Variants in TSC2 observed in about 807,000 individuals in gnomAD.
TSC2 encodes TSC complex subunit 2, also known as tuberin.
A neutral mutation model predicts 202.2 loss-of-function variants in TSC2; 29 were observed. The ratio of observed to expected loss-of-function variants is 0.14; its 90% confidence interval spans 0.11 to 0.20. The LOEUF is 0.20. Ranked by LOEUF, TSC2 falls within the 10% of genes least tolerant of loss-of-function variation. The probability of loss-of-function intolerance (pLI) is 1.00; values close to 1 mark genes in which losing one functional copy is unlikely to be tolerated. For synonymous variants in TSC2, 1,349 were observed against 1,044.0 expected (o/e 1.29, Z -5.63); for missense variants, 2,429 against 2,420.0 (o/e 1.00, Z -0.08).
intron 16 of TSC2, among the ~76,000 whole-genome samples, chr16:2,067,094 T>C (rs1189510368): frequency 6.6e-6 from 1 of 152,212 alleles, no homozygotes; most frequent in Non-Finnish European, 1.5e-5. Flanking sequence ...AACAATTTCC[T>C]GTCATGTTTA....
At chr16:2,055,719 T>C (rs902203609) in intron 6 of TSC2, 200 bp downstream of exon 6, 76 of 551,480 alleles carry the variant, frequency 1.4e-4, no homozygotes, top group African/African-American at 1.3e-3. Context: ...GGTGAAACCC[T>C]GTCTCTACTA....
chr16:2,056,453 A>G (rs562520936), intron 7 of TSC2, among the ~76,000 whole-genome samples, 191 bp from the exon 8 acceptor site: 5 of 152,334 alleles, frequency 3.3e-5, no homozygotes, highest in South Asian at 2.1e-4. Flanking sequence ...GACAGCATCA[A>G]TGACCCACAG....
rs760527750 is a variant in TSC2 at position 2,086,172 on chromosome 16, GCCTCTCC to G, written c.4663-11_4663-5del. The G allele has an allele frequency of 2.4e-5, 39 of 1,612,184 alleles. No homozygotes were observed. The highest frequency in any genetic ancestry group is 1.7e-4 in the Middle Eastern group (1 of 6,034). ...CCCGGCCCGGGAGTGATGCCACCCT[GCCTCTCC>G]CCTCTCCCCACAGAGCAACAGCGAG... On this transcript the variant is annotated splice_polypyrimidine_tract_variant and intron_variant, in intron 36 of 41. Transcript: ENST00000219476.
chr16:2,082,239 A>G (rs746808928), intron 31 of TSC2, 197 bp from the exon 32 acceptor site: 15 of 641,792 alleles, frequency 2.3e-5, no homozygotes, highest in African/African-American at 9.1e-5. Flanking sequence ...TAGGACGTCT[A>G]TTCACGGGAG....
intron 38 of TSC2, 80 bp from the exon 39 acceptor site, chr16:2,087,783 G>GC: frequency 6.6e-7 from 1 of 1,525,834 alleles, no homozygotes; most frequent in South Asian, 1.2e-5. Context: ...CAGGTGTCTA[G>GC]CAGTGCAACC....
intron 14 of TSC2, chr16:2,063,712 T>A: frequency 4.2e-6 from 1 of 235,680 alleles, no homozygotes; most frequent in South Asian, 5.9e-5. Flanking sequence ...CCGCATTCTG[T>A]CTGAGGGAGC....
At position 2,054,454 on chromosome 16, in the gene TSC2, T is replaced by C; in HGVS notation, c.481+14T>C. On this transcript the variant is annotated intron_variant, in intron 5 of 41. Transcript: ENST00000219476. The stretch of plus-strand genomic sequence containing the variant: ...AGGAAGAGCTGGGTGGGTGCCACCT[T>C]GGGTTGGAGGTTTCTCTGGCCTTGA... 6.2e-7 allele frequency: 1 copy of C among 1,613,964 alleles called. No homozygotes were observed. Among genetic ancestry groups the C allele is most frequent in the Non-Finnish European group, 8.5e-7 (1 of 1,179,990 alleles).
intron 24 of TSC2, 133 bp downstream of exon 24, chr16:2,076,303 G>A (rs373131268): frequency 1.0e-5 from 16 of 1,560,694 alleles, no homozygotes; most frequent in South Asian, 6.9e-5. Context: ...TGCCTGTGGC[G>A]CTGGGGGCTC....
rs761324622 is a variant in TSC2, at chr16:2,085,210, C to T, written c.4570-20C>T. 1.9e-5 allele frequency: 31 copies of T among 1,612,468 alleles called. No homozygotes were observed. Among genetic ancestry groups the T allele is most frequent in the South Asian group, 3.3e-5 (3 of 91,094 alleles). ...TGTGGACGGGCGTCTGGGGCTCAGG[C>T]AGGGCTCTGTGTGCCACAGTCACAG... On this transcript the variant is annotated intron_variant, in intron 35 of 41. Transcript: ENST00000219476.
intron 2 of TSC2, among the ~76,000 whole-genome samples, chr16:2,049,044 T>C (rs1031444497): frequency 2.0e-4 from 31 of 152,162 alleles, no homozygotes; most frequent in African/African-American, 7.5e-4. Flanking sequence ...TATGTCCAGG[T>C]GTTACATGAT....
At chr16:2,051,565 G>A (rs2085129520) in intron 3 of TSC2, among the ~76,000 whole-genome samples, 2 of 152,208 alleles carry the variant, frequency 1.3e-5, no homozygotes, top group African/African-American at 4.8e-5. Flanking sequence ...CTTGTGGACA[G>A]GACAGGAAGT....
At position 2,087,916 on chromosome 16, in the gene TSC2, C is replaced by T. The variant is rs45476793; in HGVS notation, c.5043C>T (p.Asn1681=). Residue 1681 remains asparagine (N), a synonymous_variant, in exon 39 of 42, where the codon AAC becomes AAT. Coordinates refer to ENST00000219476, the MANE Select transcript of TSC2 (RefSeq NM_000548.5). ...TCACCCCGCTGGACTACGAGTGCAA[C>T]CTGGTGTCCCTGCAGTGCAGGAAAG... ...VIVTPLDYEC[N]LVSLQCRKDM... 4.3e-6 allele frequency: 7 copies of T among 1,611,458 alleles called. No homozygotes were observed. In the South Asian group the frequency reaches 6.6e-5, roughly 15 times the overall value.
At chr16:2,054,705 G>T (rs1032880449) in intron 5 of TSC2, 2 of 542,606 alleles carry the variant, frequency 3.7e-6, no homozygotes, top group Non-Finnish European at 3.3e-6. Flanking sequence ...CTCTGCAACG[G>T]CAGGAGCTGG....
In TSC2 at chr16:2,053,372, G is replaced by T; in HGVS notation, c.256G>T (p.Ala86Ser). 1 of 1,590,736 alleles carries T rather than the reference G, an allele frequency of 6.3e-7. No individual in the cohort carries two copies. Among genetic ancestry groups the T allele is most frequent in the Non-Finnish European group, 8.5e-7 (1 of 1,169,658 alleles). Reference protein sequence around the residue: ...HAVEALWKAVADLLQPERPLE... With the variant: ...HAVEALWKAVSDLLQPERPLE... ...AGTGGAAGCACTCTGGAAGGCGGTC[G>T]CGGATCTGTTGCAGCCGGAGCGGCC... is the stretch of plus-strand genomic sequence containing the variant. Residue 86 changes from alanine (A) to serine (S), a missense_variant, in exon 4 of 42, where the codon GCG becomes TCG. Ala to Ser is a moderately conservative substitution (Grantham distance 99, BLOSUM62 1). Transcript: ENST00000219476.
intron 11 of TSC2, 136 bp from the exon 12 acceptor site, chr16:2,061,735 G>A (rs530157056): frequency 2.6e-5 from 37 of 1,448,558 alleles, no homozygotes; most frequent in Middle Eastern, 2.1e-4. Context: ...GGCTGGGGGC[G>A]TCTGTCCCCA....
At position 2,072,968 on chromosome 16, in the gene TSC2, G is replaced by A. The variant is rs2151328730; in HGVS notation, c.2340G>A (p.Leu780=). The A allele has an allele frequency of 6.2e-7, 1 of 1,613,544 alleles. No homozygotes were observed. The highest frequency in any genetic ancestry group is 8.5e-7 in the Non-Finnish European group (1 of 1,180,042). ...CATTAATCTCTTACCATAACTACCT[G>A]GACAAAACCAAACAGGTAGGAGGTC... is the stretch of plus-strand genomic sequence containing the variant. ...LTALISYHNY[L]DKTKQREMVY... The change falls in exon 21 of 42, where the codon CTG becomes CTA. Residue 780 remains leucine, a synonymous_variant. Coordinates refer to ENST00000219476, the MANE Select transcript of TSC2 (RefSeq NM_000548.5).
At chr16:2,077,992 C>T (rs1312931237) in intron 26 of TSC2, among the ~76,000 whole-genome samples, 1 of 152,236 alleles carries the variant, frequency 6.6e-6, no homozygotes, top group Admixed American at 6.5e-5. Context: ...CCTCCCCAGG[C>T]TGTCCCCAAG....
At position 2,066,929 on chromosome 16, in the gene TSC2, T is replaced by C. The variant is rs558877644; in HGVS notation, c.1716+1294T>C. 3.9e-5 allele frequency among the ~76,000 whole-genome samples: 6 copies of C among 152,240 alleles called. 1 individual carries two copies. The South Asian group carries it at 1.2e-3, about 32-fold the overall frequency. ...CTCCCGCCTTGGCCTCCCAAAGTGC[T>C]GGGATTACAGGTGTGAGCCACCACG... is the stretch of plus-strand genomic sequence containing the variant. On this transcript the variant is annotated intron_variant, in intron 16 of 41. Transcript: ENST00000219476.
Position 2,071,551 on chromosome 16 carries a change from C to G in TSC2, c.1881C>G (p.His627Gln), listed in dbSNP as rs967430707. ...TGCTGCTGCGGGCCGACTCACTGCA[C>G]CGCCTGGGCCTGCCCAACAAGGATG... ...FLLLLRADSL[H>Q]RLGLPNKDGV... The change falls in exon 18 of 42, where the codon CAC becomes CAG. Residue 627 changes from histidine (H) to glutamine (Q), a missense_variant. By Grantham distance (24) the His-to-Gln change is conservative (BLOSUM62 0). Coordinates refer to ENST00000219476, the MANE Select transcript of TSC2 (RefSeq NM_000548.5). 1 of 1,613,616 alleles carries G rather than the reference C, an allele frequency of 6.2e-7. No individual in the cohort carries two copies. The highest frequency in any genetic ancestry group is 2.2e-5 in the East Asian group (1 of 44,890).
Sources: gnomAD v4.1 joint callset for allele counts (sites outside exome capture counted in the v4.1 genomes callset) on GRCh38, gnomAD v4.1.1 for gene constraint, MANE v1.5 for transcripts, NCBI Gene and HGNC (gene_info 2026-07-23, HGNC 2026-07-21) for gene names.